The following ISLR2 variants were observed in gnomAD, a reference collection of about 807,000 sequenced individuals.
ISLR2 encodes immunoglobulin superfamily containing leucine rich repeat 2.
Under a neutral mutation model 25.5 loss-of-function variants are expected in ISLR2, and 16 were observed. The ratio of observed to expected loss-of-function variants is 0.63; its 90% CI spans 0.43 to 0.95. The LOEUF is 0.95. Among genes scored for constraint, ISLR2 ranks in the 40% least tolerant of loss-of-function variants. The pLI is 0.00. For missense variants in ISLR2, 883 were observed against 1,030.7 expected (o/e 0.86, Z 1.96); for synonymous variants, 508 against 486.6 (o/e 1.04, Z -0.58).
intron 2 of ISLR2, among the ~76,000 whole-genome samples, chr15:74,116,409 A>G (rs529998672): frequency 6.6e-6 from 1 of 152,194 alleles, no homozygotes; most frequent in East Asian, 1.9e-4. Context: ...ACAAAAAAAA[A>G]AAAAGGAATA....
upstream of ISLR2, among the ~76,000 whole-genome samples, chr15:74,124,290 TC>T (rs1279835744): frequency 6.6e-6 from 1 of 151,964 alleles, no homozygotes. Flanking sequence ...TGGGATTGAC[TC>T]CTCTATAGCC....
Position 74,135,159 on chromosome 15 carries a change from G to C in ISLR2, c.*167G>C. 1 of 759,236 alleles carries C rather than the reference G, an allele frequency of 1.3e-6. No homozygotes were observed. Among genetic ancestry groups the C allele is most frequent in the Non-Finnish European group, 2.1e-6 (1 of 468,956 alleles). 47.0% of individuals were successfully genotyped at this position (759,236 alleles called of 1,614,324 possible). ...AGGGACTTCTATTAGGGAGTGGGCC[G>C]ATTTCACCAGTCCCTGCTACCCACG... is the stretch of plus-strand genomic sequence containing the variant. On this transcript the variant is annotated 3_prime_UTR_variant, in exon 3 of 3. Transcript: ENST00000453268.
intron 1 of ISLR2, among the ~76,000 whole-genome samples, 179 bp downstream of exon 1, chr15:74,130,800 A>G (rs1193793934): frequency 6.6e-6 from 1 of 151,552 alleles, no homozygotes; most frequent in Non-Finnish European, 1.5e-5. Flanking sequence ...GGTGTGAGGG[A>G]CTGTGTGCGC....
chr15:74,131,589 G>C (rs2072421219), intron 2 of ISLR2, among the ~76,000 whole-genome samples: 1 of 152,196 alleles, frequency 6.6e-6, no homozygotes, highest in African/African-American at 2.4e-5. Context: ...GTGTTATGGG[G>C]AGGGGGTCCT....
At chr15:74,100,319 G>C (rs1013413550) in exon 1 of ISLR2, 9 of 1,283,144 alleles carry the variant, frequency 7.0e-6, no homozygotes, top group African/African-American at 3.2e-5. Context: ...GGACCTGCTC[G>C]AGTGAGGCCG....
At chr15:74,114,918 A>G (rs775462529) in intron 2 of ISLR2, among the ~76,000 whole-genome samples, 1 of 152,140 alleles carries the variant, frequency 6.6e-6, no homozygotes, top group East Asian at 1.9e-4. Context: ...GCTTGGGAAG[A>G]TCTTCAAGGC....
chr15:74,140,430 C>A (rs1377387632), downstream of ISLR2, among the ~76,000 whole-genome samples: 1 of 152,144 alleles, frequency 6.6e-6, no homozygotes, highest in Non-Finnish European at 1.5e-5. Flanking sequence ...GACTACCCTG[C>A]CCCACATTTG....
chr15:74,126,896 TTGTGTGTGTGTGTG>T (rs56301942), upstream of ISLR2: 4,915 of 122,404 alleles, frequency 0.04, 129 homozygotes, highest in South Asian at 0.14. Context: ...GAGAGAACAT[TTGTGTGTGTGTGTG>T]TGTGTGTGTG....
Position 74,132,212 on chromosome 15 carries a change from A to T in ISLR2, c.-8-535A>T, listed in dbSNP as rs2072436689. Among the ~76,000 whole-genome samples, 4 of 152,140 alleles carry T rather than the reference A, an allele frequency of 2.6e-5. No homozygotes were observed. In the South Asian group the frequency reaches 8.3e-4, roughly 32 times the overall value. On this transcript the variant is annotated intron_variant, in intron 2 of 2. Transcript: ENST00000453268. The surrounding 1 kb of genome is among the most constrained non-coding windows in gnomAD (Gnocchi z 4.3). ...AAATGTGTTGTGAGCCTCCTAATTG[A>T]GCATCAGGTCCTCTAAACCCCTGCA...
chr15:74,107,365 T>A (rs1225848547), intron 2 of ISLR2, among the ~76,000 whole-genome samples: 1 of 152,112 alleles, frequency 6.6e-6, no homozygotes, highest in East Asian at 1.9e-4. Context: ...GTGACCAGGG[T>A]GCAGGTGGGC....
downstream of ISLR2, among the ~76,000 whole-genome samples, chr15:74,139,205 A>G (rs1409530236): frequency 6.6e-6 from 1 of 152,168 alleles, no homozygotes; most frequent in Non-Finnish European, 1.5e-5. Context: ...AACCACAGGT[A>G]GGAATGAATA....
chr15:74,116,646 T>C (rs1257685974), intron 2 of ISLR2, among the ~76,000 whole-genome samples: 1 of 152,242 alleles, frequency 6.6e-6, no homozygotes, highest in Admixed American at 6.5e-5. Context: ...TATTTTTTGA[T>C]GTCTAGAAAT....
At chr15:74,128,687 C>G (rs1413540929), upstream of ISLR2, 4 of 455,728 alleles carry the variant, frequency 8.8e-6, no homozygotes, top group African/African-American at 6.0e-5. Flanking sequence ...CTTGAGCCTC[C>G]CCGCCTGGCG....
chr15:74,124,087 C>T (rs2072273023), upstream of ISLR2, among the ~76,000 whole-genome samples: 1 of 151,468 alleles, frequency 6.6e-6, no homozygotes, highest in African/African-American at 2.4e-5. Flanking sequence ...ACACACACTG[C>T]CCTGACCCTG....
upstream of ISLR2, chr15:74,128,582 A>T (rs910839429): frequency 2.2e-6 from 1 of 456,702 alleles, no homozygotes; most frequent in Non-Finnish European, 4.4e-6. Flanking sequence ...CTCTGGGCAG[A>T]TAGCGAGCCC....
chr15:74,124,664 C>A (rs1194378910), upstream of ISLR2, among the ~76,000 whole-genome samples: 1 of 152,132 alleles, frequency 6.6e-6, no homozygotes, highest in Non-Finnish European at 1.5e-5. Flanking sequence ...GAGGCCGAGG[C>A]AGGAGAATCA....
upstream of ISLR2, chr15:74,127,026 G>A (rs953333772): frequency 6.6e-6 from 1 of 151,856 alleles, no homozygotes; most frequent in Non-Finnish European, 1.5e-5. Flanking sequence ...CAGCCTTGGG[G>A]AAGGTCTCCG....
downstream of ISLR2, among the ~76,000 whole-genome samples, chr15:74,139,677 C>T (rs1303046441): frequency 6.6e-5 from 10 of 152,200 alleles, no homozygotes; most frequent in Admixed American, 2.0e-4. Context: ...GGAGAACCTA[C>T]CAGGTGTGGA....
chr15:74,110,246 C>G (rs1209937678), intron 2 of ISLR2, among the ~76,000 whole-genome samples: 1 of 152,196 alleles, frequency 6.6e-6, no homozygotes, highest in Non-Finnish European at 1.5e-5. Flanking sequence ...GCAGACAAAA[C>G]TAACTCATAC....
Sources: allele counts gnomAD v4.1 joint callset (sites outside exome capture counted in the v4.1 genomes callset), GRCh38; gene constraint gnomAD v4.1.1; non-coding constraint Gnocchi (gnomAD v3.1); transcripts MANE v1.5; gene names NCBI Gene and HGNC (gene_info 2026-07-23, HGNC 2026-07-21).